The following TRAPPC9 variants were observed in gnomAD, a reference collection of about 807,000 sequenced individuals.
The protein encoded by TRAPPC9 is IKK2 binding protein.
In TRAPPC9, 83 loss-of-function variants were observed where a neutral mutation model predicts 124.0. That is an observed-to-expected ratio of 0.67 (90% CI 0.56 to 0.80). TRAPPC9 has a LOEUF of 0.80. TRAPPC9 is among the 30% of genes least tolerant of loss of function. The pLI is 0.00. For missense variants in TRAPPC9, 1,302 were observed against 1,508.3 expected (o/e 0.86, Z 2.27); for synonymous variants, 638 against 617.5 (o/e 1.03, Z -0.49).
intron 21 of TRAPPC9, among the ~76,000 whole-genome samples, chr8:139,882,118 A>G (rs1829711319): frequency 6.6e-6 from 1 of 152,266 alleles, no homozygotes; most frequent in Non-Finnish European, 1.5e-5. Context: ...CAGGAATAAC[A>G]GAAATATCTG....
intron 19 of TRAPPC9, among the ~76,000 whole-genome samples, chr8:139,959,426 G>GGGATGAGC (rs1835229410): frequency 6.6e-6 from 1 of 152,154 alleles, no homozygotes; most frequent in African/African-American, 2.4e-5. Context: ...CCATTTTATG[G>GGGATGAGC]CCAATAAAAT....
chr8:140,300,384 C>A (rs903903758), intron 11 of TRAPPC9, 85 bp downstream of exon 11: 1 of 1,580,656 alleles, frequency 6.3e-7, no homozygotes, highest in Non-Finnish European at 8.7e-7. Flanking sequence ...CATGAACTGG[C>A]TCAAAATGCT....
chr8:140,282,596 T>C (rs2065358198), intron 14 of TRAPPC9, among the ~76,000 whole-genome samples: 1 of 151,790 alleles, frequency 6.6e-6, no homozygotes, highest in Non-Finnish European at 1.5e-5. Flanking sequence ...CCATCCCAAA[T>C]TCCAATAGCA....
chr8:139,758,021 A>G (rs1462914340), intron 21 of TRAPPC9, among the ~76,000 whole-genome samples: 1 of 152,198 alleles, frequency 6.6e-6, no homozygotes, highest in East Asian at 1.9e-4. Context: ...GGCCCCAGGG[A>G]TTGGGCCTGG....
intron 17 of TRAPPC9, among the ~76,000 whole-genome samples, chr8:140,150,104 G>A (rs568313712): frequency 2.2e-4 from 34 of 152,276 alleles, no homozygotes; most frequent in African/African-American, 7.7e-4. Flanking sequence ...ATGGTGATCA[G>A]GTCTTAAGGG....
chr8:139,988,725 C>T lies in TRAPPC9; in HGVS notation c.2810+1G>A. On this transcript the variant is annotated splice_donor_variant, in intron 19 of 22. Transcript: ENST00000438773. LOFTEE classifies it high-confidence loss of function. ...GGCGCGAGGGTCTATGGGACACTTA[C>T]CGCTGGCACTCACCGGCGTGCAGGA... The T allele has an allele frequency of 1.3e-6, 2 of 1,547,106 alleles. No homozygotes were observed. Among genetic ancestry groups the T allele is most frequent in the East Asian group, 2.4e-5 (1 of 40,882 alleles).
At chr8:140,186,870 T>C (rs1839392493) in intron 17 of TRAPPC9, among the ~76,000 whole-genome samples, 1 of 152,180 alleles carries the variant, frequency 6.6e-6, no homozygotes, top group Non-Finnish European at 1.5e-5. Flanking sequence ...TGCAAAATCT[T>C]TCCCTTTTTT....
intron 17 of TRAPPC9, among the ~76,000 whole-genome samples, chr8:140,047,238 C>T (rs1291962002): frequency 1.3e-5 from 2 of 152,230 alleles, no homozygotes; most frequent in African/African-American, 4.8e-5. Flanking sequence ...CACACGCGCA[C>T]GCACAAAACA....
intron 21 of TRAPPC9, among the ~76,000 whole-genome samples, chr8:139,772,657 T>C (rs977643445): frequency 2.0e-5 from 3 of 152,196 alleles, no homozygotes; most frequent in Non-Finnish European, 4.4e-5. Context: ...TATTCTAATC[T>C]TTGTGCAGCT....
intron 16 of TRAPPC9, among the ~76,000 whole-genome samples, chr8:140,248,391 T>C (rs543346754): frequency 1.3e-5 from 2 of 152,376 alleles, no homozygotes; most frequent in Admixed American, 6.5e-5. Context: ...GCTGCTGTTC[T>C]CAACTTGGCC....
intron 16 of TRAPPC9, among the ~76,000 whole-genome samples, chr8:140,244,800 C>CTTTTTTT (rs1162364645): frequency 4.4e-5 from 4 of 90,176 alleles, no homozygotes; most frequent in Admixed American, 1.4e-4. Flanking sequence ...TTTCCAATTC[C>CTTTTTTT]TTTTTTTTTT....
chr8:140,049,545 TC>T (rs200895550), intron 17 of TRAPPC9, among the ~76,000 whole-genome samples: 17 of 145,126 alleles, frequency 1.2e-4, no homozygotes, highest in South Asian at 2.2e-4. Flanking sequence ...CCTACAGGGC[TC>T]CCCCCCCCGA....
At chr8:140,356,169 C>T (rs539545761) in intron 9 of TRAPPC9, among the ~76,000 whole-genome samples, 1 of 152,292 alleles carries the variant, frequency 6.6e-6, no homozygotes, top group South Asian at 2.1e-4. Context: ...GGATGCTCAT[C>T]AACAATACAT....
intron 15 of TRAPPC9, among the ~76,000 whole-genome samples, chr8:140,265,930 T>C (rs1375424988): frequency 6.6e-6 from 1 of 152,232 alleles, no homozygotes; most frequent in African/African-American, 2.4e-5. Context: ...GGAGCCATCA[T>C]TTTTTGTTAA....
In TRAPPC9 at chr8:139,776,151, C is replaced by G. The variant is rs1296289067; in HGVS notation, c.3056-43949G>C. Among the ~76,000 whole-genome samples, 1 of 152,208 alleles carries G rather than the reference C, an allele frequency of 6.6e-6. No individual in the cohort carries two copies. Among genetic ancestry groups the G allele is most frequent in the Non-Finnish European group, 1.5e-5 (1 of 68,038 alleles). The stretch of plus-strand genomic sequence containing the variant: ...GACTCTGCCAGGACCACGTGCTAGT[C>G]ATGGGGGCTTGGGACCCAGCCTCAG... On this transcript the variant is annotated intron_variant, in intron 21 of 22. Coordinates refer to ENST00000438773, the MANE Select transcript of TRAPPC9 (RefSeq NM_001160372.4). The surrounding 1 kb of genome is among the most constrained non-coding windows in gnomAD (Gnocchi z 4.1).
intron 21 of TRAPPC9, among the ~76,000 whole-genome samples, chr8:139,866,479 G>T (rs1587029206): frequency 6.6e-6 from 1 of 152,318 alleles, no homozygotes; most frequent in East Asian, 1.9e-4. Context: ...GGGGAAGGCA[G>T]GAACCTGTGG....
At position 139,896,697 on chromosome 8, in the gene TRAPPC9, T is replaced by C. The variant is rs553079367; in HGVS notation, c.2965-10728A>G. On this transcript the variant is annotated intron_variant, in intron 20 of 22. Transcript: ENST00000438773. Reference sequence around the variant, plus strand: ...AAACCTGGAAACCAGGAGCCATGAGTCCCACTGGACAAAGATCCTGCTGTC... The same window carrying C: ...AAACCTGGAAACCAGGAGCCATGAGCCCCACTGGACAAAGATCCTGCTGTC... Among the ~76,000 whole-genome samples the C allele has an allele frequency of 3.7e-4, 57 of 152,252 alleles. 1 individual carries two copies. The highest frequency in any genetic ancestry group is 3.3e-3 in the South Asian group (16 of 4,814).
Position 140,324,521 on chromosome 8 carries a change from G to A in TRAPPC9, c.1496-13147C>T, listed in dbSNP as rs142651968. Among the ~76,000 whole-genome samples the A allele has an allele frequency of 6.2e-3, 943 of 152,158 alleles. 11 individuals carry two copies. Among genetic ancestry groups the A allele is most frequent in the African/African-American group, 0.021 (872 of 41,520 alleles). On this transcript the variant is annotated intron_variant, in intron 9 of 22. Transcript: ENST00000438773. ...CATCGTGGCTCACATCTGTAATCCC[G>A]GCACTTTGGGAGGCCAAGGCAGGAG...
At chr8:140,170,082 A>G (rs1026294242) in intron 17 of TRAPPC9, among the ~76,000 whole-genome samples, 10 of 152,174 alleles carry the variant, frequency 6.6e-5, no homozygotes, top group Non-Finnish European at 1.5e-4. Context: ...TTTTATTGGA[A>G]GCAATAAAAT....
Sources: allele counts gnomAD v4.1 joint callset (sites outside exome capture counted in the v4.1 genomes callset), GRCh38; gene constraint gnomAD v4.1.1; non-coding constraint Gnocchi (gnomAD v3.1); transcripts MANE v1.5; gene names NCBI Gene and HGNC (gene_info 2026-07-23, HGNC 2026-07-21).